Variants in EEA1 observed in about 807,000 individuals in gnomAD.
The protein encoded by EEA1 is early endosome antigen 1, 162kD.
EEA1 carries 111 observed loss-of-function variants against 209.2 expected under a neutral mutation model. That is an observed-to-expected ratio of 0.53 (90% CI 0.45 to 0.62). EEA1 has a LOEUF of 0.62. Ranked by LOEUF, EEA1 falls within the 20% of genes least tolerant of loss-of-function variation. The probability of loss-of-function intolerance (pLI) is 0.00; values close to 1 mark genes in which losing one functional copy is unlikely to be tolerated. For synonymous variants in EEA1, 536 were observed against 540.6 expected (o/e 0.99, Z 0.12); for missense variants, 1,343 against 1,530.8 (o/e 0.88, Z 2.05).
At chr12:92,921,998 T>C (rs1054839383) in intron 1 of EEA1, among the ~76,000 whole-genome samples, 1 of 152,144 alleles carries the variant, frequency 6.6e-6, no homozygotes, top group African/African-American at 2.4e-5. Context: ...TTCTATTCCC[T>C]TACTTCCTAG....
chr12:92,793,066 CG>C (rs1874485554), intron 21 of EEA1, among the ~76,000 whole-genome samples: 2 of 152,006 alleles, frequency 1.3e-5, no homozygotes, highest in African/African-American at 2.4e-5. Flanking sequence ...AAAAGGCCCT[CG>C]ACAAAATTCA....
chr12:92,809,279 AT>A, intron 17 of EEA1, 123 bp from the exon 18 acceptor site: 3 of 627,536 alleles, frequency 4.8e-6, no homozygotes, highest in Non-Finnish European at 7.1e-6. Context: ...ATTTATTATA[AT>A]AAAAAACATA....
intron 3 of EEA1, chr12:92,858,850 C>T (rs1261596036): frequency 3.9e-5 from 29 of 740,700 alleles, no homozygotes; most frequent in South Asian, 9.6e-5. Flanking sequence ...TGGTGTGCCT[C>T]GGGGTGATGC....
intron 8 of EEA1, 51 bp from the exon 9 acceptor site, chr12:92,851,317 TA>T (rs1565835031): frequency 1.3e-6 from 2 of 1,514,406 alleles, no homozygotes; most frequent in Admixed American, 2.1e-5. Flanking sequence ...ACTAAAATAA[TA>T]CACATTTTTA....
intron 21 of EEA1, among the ~76,000 whole-genome samples, chr12:92,794,276 TTGG>T (rs1874548837): frequency 6.6e-6 from 1 of 152,210 alleles, no homozygotes; most frequent in Non-Finnish European, 1.5e-5. Flanking sequence ...TTTTACACTG[TTGG>T]TGGGAGTGTA....
At chr12:92,799,802 T>TA (rs571349223) in intron 20 of EEA1, among the ~76,000 whole-genome samples, 22 of 146,286 alleles carry the variant, frequency 1.5e-4, no homozygotes, top group South Asian at 4.4e-4. Flanking sequence ...AAATAATAAT[T>TA]AAAAAAAAAA....
intron 1 of EEA1, among the ~76,000 whole-genome samples, chr12:92,895,113 T>C (rs543466576): frequency 6.6e-6 from 1 of 151,196 alleles, no homozygotes; most frequent in South Asian, 2.1e-4. Flanking sequence ...AGCACATCTG[T>C]TTACCACATG....
intron 17 of EEA1, 58 bp from the exon 18 acceptor site, chr12:92,809,214 TTAAATACTA>T: frequency 7.7e-7 from 1 of 1,300,534 alleles, no homozygotes; most frequent in Non-Finnish European, 1.0e-6. Flanking sequence ...CAATCTATTA[TTAAATACTA>T]TAACATTTTT....
At chr12:92,913,555 TG>T (rs1467375977) in intron 1 of EEA1, among the ~76,000 whole-genome samples, 1 of 152,240 alleles carries the variant, frequency 6.6e-6, no homozygotes, top group African/African-American at 2.4e-5. Context: ...TTTTTGTTTG[TG>T]TATTTGCTTT....
At chr12:92,813,710 T>C (rs1433279894) in intron 15 of EEA1, among the ~76,000 whole-genome samples, 1 of 152,116 alleles carries the variant, frequency 6.6e-6, no homozygotes, top group Non-Finnish European at 1.5e-5. Flanking sequence ...ACAACTCACC[T>C]CGAATACGAA....
At chr12:92,799,389 G>A (rs1425160775) in intron 20 of EEA1, among the ~76,000 whole-genome samples, 1 of 151,936 alleles carries the variant, frequency 6.6e-6, no homozygotes, top group Admixed American at 6.6e-5. Flanking sequence ...ACTTATAATT[G>A]TATAGTTACA....
At chr12:92,892,489 A>G (rs1435686231) in intron 1 of EEA1, among the ~76,000 whole-genome samples, 2 of 151,334 alleles carry the variant, frequency 1.3e-5, no homozygotes, top group African/African-American at 4.9e-5. Flanking sequence ...AAGTTAAAGC[A>G]AAAAAAATCA....
intron 27 of EEA1, among the ~76,000 whole-genome samples, chr12:92,777,219 C>G (rs899762591): frequency 6.6e-6 from 1 of 151,812 alleles, no homozygotes; most frequent in Non-Finnish European, 1.5e-5. Flanking sequence ...GATGAATTTT[C>G]CCTGGTGACT....
intron 1 of EEA1, among the ~76,000 whole-genome samples, chr12:92,916,937 C>T (rs1880786471): frequency 6.6e-6 from 1 of 150,638 alleles, no homozygotes; most frequent in Admixed American, 6.6e-5. Flanking sequence ...TCGAGAACTA[C>T]GTGAAGAACG....
intron 2 of EEA1, among the ~76,000 whole-genome samples, chr12:92,886,527 G>A (rs1336233840): frequency 1.2e-4 from 8 of 64,562 alleles, no homozygotes; most frequent in Non-Finnish European, 2.2e-4. Context: ...AGGAAGGGAT[G>A]GGAGGGGAGG....
chr12:92,887,352 A>C (rs1458743671), intron 2 of EEA1, among the ~76,000 whole-genome samples: 1 of 152,068 alleles, frequency 6.6e-6, no homozygotes, highest in African/African-American at 2.4e-5. Flanking sequence ...AAAATTTAAA[A>C]AATAAAACAG....
At chr12:92,884,623 A>G (rs1328968031) in intron 2 of EEA1, 5 of 1,372,918 alleles carry the variant, frequency 3.6e-6, no homozygotes, top group Non-Finnish European at 5.1e-6. Flanking sequence ...GTGGAGGCCA[A>G]TACTTTGCCA....
chr12:92,853,984 G>A (rs1454744695), intron 5 of EEA1, 30 bp from the exon 6 acceptor site: 3 of 1,507,068 alleles, frequency 2.0e-6, no homozygotes, highest in African/African-American at 1.5e-5. Flanking sequence ...ATAAACAAAT[G>A]AATTAAAAGG....
intron 21 of EEA1, among the ~76,000 whole-genome samples, chr12:92,793,092 A>G (rs1011104138): frequency 4.6e-5 from 7 of 152,180 alleles, no homozygotes. Context: ...CCTTCATGCT[A>G]AAAACTCTCA....
Sources: gnomAD v4.1 joint callset for allele counts (sites outside exome capture counted in the v4.1 genomes callset) on GRCh38, gnomAD v4.1.1 for gene constraint, MANE v1.5 for transcripts, NCBI Gene and HGNC (gene_info 2026-07-23, HGNC 2026-07-21) for gene names.